Variants in MRPS5 observed in about 807,000 individuals in gnomAD.
MRPS5 encodes the protein small ribosomal subunit protein uS5m.
Under a neutral mutation model 51.9 loss-of-function variants are expected in MRPS5, and 27 were observed. That is an observed-to-expected ratio of 0.52 (90% CI 0.38 to 0.72). The LOEUF (loss-of-function observed/expected upper bound fraction) is 0.72. Ranked by LOEUF, MRPS5 falls within the 30% of genes least tolerant of loss-of-function variation. The pLI is 0.00. For missense variants in MRPS5, 570 were observed against 545.7 expected, an observed-to-expected ratio of 1.04 and a Z score of -0.44; for synonymous variants, 196 against 193.2, an observed-to-expected ratio of 1.01 and a Z score of -0.12.
chr2:95,106,661 C>A (rs1022298048), intron 5 of MRPS5: 2 of 598,820 alleles, frequency 3.3e-6, no homozygotes. Flanking sequence ...AGTCACTGAT[C>A]TCCCCACCTG....
At chr2:95,121,870 G>C, upstream of MRPS5, 1 of 1,434,254 alleles carries the variant, frequency 7.0e-7, no homozygotes, top group Middle Eastern at 1.8e-4. Flanking sequence ...CTCGTCAAAC[G>C]GCAAGCCTTG....
intron 3 of MRPS5, among the ~76,000 whole-genome samples, chr2:95,111,116 G>C (rs1472228863): frequency 1.3e-5 from 2 of 152,102 alleles, no homozygotes; most frequent in East Asian, 3.9e-4. Context: ...ATACACAGCT[G>C]GTCTTCGTAA....
At chr2:95,105,283 C>T (rs1199264835) in intron 6 of MRPS5, among the ~76,000 whole-genome samples, 1 of 152,148 alleles carries the variant, frequency 6.6e-6, no homozygotes, top group Non-Finnish European at 1.5e-5. Flanking sequence ...GGCACAGTGG[C>T]TCATGCCTGT....
At chr2:95,098,607 T>C (rs961173029) in intron 10 of MRPS5, among the ~76,000 whole-genome samples, 1 of 152,114 alleles carries the variant, frequency 6.6e-6, no homozygotes, top group African/African-American at 2.4e-5. Flanking sequence ...AAACACCGCA[T>C]GTTCTCACTC....
intron 5 of MRPS5, among the ~76,000 whole-genome samples, chr2:95,107,904 T>C (rs1219729209): frequency 2.6e-5 from 4 of 152,130 alleles, no homozygotes; most frequent in Non-Finnish European, 4.4e-5. Context: ...AGGCAGCTCC[T>C]GTAGGTCCAC....
chr2:95,090,261 G>T, intron 11 of MRPS5, 125 bp downstream of exon 11: 17 of 698,256 alleles, frequency 2.4e-5, no homozygotes, highest in Middle Eastern at 5.2e-4. Context: ...AGACAACAAA[G>T]AATGCCCAAC....
chr2:95,087,898 A>G (rs201204656), intron 11 of MRPS5, among the ~76,000 whole-genome samples: 1 of 152,064 alleles, frequency 6.6e-6, no homozygotes, highest in Non-Finnish European at 1.5e-5. Flanking sequence ...AACCCCCTAG[A>G]TCTAACTACC....
At chr2:95,111,026 A>C (rs2104421506) in intron 3 of MRPS5, among the ~76,000 whole-genome samples, 1 of 152,306 alleles carries the variant, frequency 6.6e-6, no homozygotes, top group Non-Finnish European at 1.5e-5. Context: ...TAACACGAAA[A>C]GAGAAAAATG....
At chr2:95,118,919 A>C (rs1676364953) in intron 1 of MRPS5, among the ~76,000 whole-genome samples, 1 of 152,236 alleles carries the variant, frequency 6.6e-6, no homozygotes, top group African/African-American at 2.4e-5. Context: ...GGGATAAATC[A>C]TCATGACCTT....
rs368818231 is a variant in MRPS5, at chr2:95,115,136, T to C, written c.207A>G (p.Thr69=). 3.7e-6 allele frequency: 6 copies of C among 1,613,080 alleles called. No individual in the cohort carries two copies. The East Asian group carries it at 6.7e-5, about 18-fold the overall frequency. ...GACTGGGAGAAGAAATACAGCATTG[T>C]GTCTGCAGTGCACGGCTCAAGCTGG... ...PYASLSRALQ[T]QCCISSPSHL... The change falls in exon 3 of 12, where the codon ACA becomes ACG. Residue 69 remains threonine (T), a synonymous_variant. Coordinates refer to ENST00000272418, the MANE Select transcript of MRPS5 (RefSeq NM_031902.5).
Position 95,121,773 on chromosome 2 carries a change from C to A in MRPS5, c.19G>T (p.Ala7Ser), listed in dbSNP as rs960011934. The change falls in exon 1 of 12, where the codon GCT becomes TCT. Residue 7 changes from alanine (A) to serine (S), a missense_variant. By Grantham distance (99) the Ala-to-Ser change is moderately conservative (BLOSUM62 1). Coordinates refer to ENST00000272418, the MANE Select transcript of MRPS5 (RefSeq NM_031902.5). ...CACAGCACGGGGAGGCAGCCCACAGCGCGCACCGCGGTCGCCATGCTGGAG... is the reference window on the plus strand; with the variant it reads ...CACAGCACGGGGAGGCAGCCCACAGAGCGCACCGCGGTCGCCATGCTGGAG... MATAVR[A>S]VGCLPVLCSG... 3.2e-6 allele frequency: 5 copies of A among 1,552,472 alleles called. No individual in the cohort carries two copies. In the South Asian group the frequency reaches 5.9e-5, roughly 18 times the overall value.
At chr2:95,089,404 T>C (rs1235836972) in intron 11 of MRPS5, among the ~76,000 whole-genome samples, 1 of 152,186 alleles carries the variant, frequency 6.6e-6, no homozygotes, top group Non-Finnish European at 1.5e-5. Flanking sequence ...TGGAGCCTAT[T>C]GAACCTGGTT....
chr2:95,104,456 C>G, intron 7 of MRPS5, 184 bp downstream of exon 7: 1 of 654,554 alleles, frequency 1.5e-6, no homozygotes. Flanking sequence ...AGAATCTATT[C>G]TCTCTTTTCT....
At chr2:95,109,892 A>C in intron 4 of MRPS5, 24 bp downstream of exon 4, 1 of 1,599,970 alleles carries the variant, frequency 6.3e-7, no homozygotes, top group Non-Finnish European at 8.5e-7. Context: ...AAAGCACTTT[A>C]GCTATTTTTA....
At chr2:95,106,276 G>T in intron 6 of MRPS5, 147 bp downstream of exon 6, 1 of 704,422 alleles carries the variant, frequency 1.4e-6, no homozygotes. Context: ...AATTAAAGTT[G>T]CACAATTTTC....
intron 3 of MRPS5, among the ~76,000 whole-genome samples, chr2:95,113,348 C>T (rs556997061): frequency 1.2e-3 from 177 of 151,492 alleles, no homozygotes; most frequent in Admixed American, 2.7e-3. Flanking sequence ...TGGTGGCACG[C>T]GCCTATAGTC....
intron 3 of MRPS5, among the ~76,000 whole-genome samples, chr2:95,110,494 C>A (rs1196528691): frequency 6.6e-6 from 1 of 152,192 alleles, no homozygotes; most frequent in African/African-American, 2.4e-5. Context: ...ATCTGGAACA[C>A]AATCTATGGT....
intron 8 of MRPS5, 75 bp from the exon 9 acceptor site, chr2:95,100,969 T>A: frequency 7.8e-7 from 1 of 1,290,118 alleles, no homozygotes; most frequent in Non-Finnish European, 1.1e-6. Context: ...ACACTTTTAA[T>A]AAAAATGTTT....
At chr2:95,118,083 T>C (rs1558688490) in intron 1 of MRPS5, 138 bp from the exon 2 acceptor site, 25 of 604,244 alleles carry the variant, frequency 4.1e-5, no homozygotes, top group Non-Finnish European at 7.1e-5. Flanking sequence ...CCAGGACAAC[T>C]TGTCAAGTAG....
Sources: gnomAD v4.1 joint callset for allele counts (sites outside exome capture counted in the v4.1 genomes callset) on GRCh38, gnomAD v4.1.1 for gene constraint, MANE v1.5 for transcripts, NCBI Gene and HGNC (gene_info 2026-07-23, HGNC 2026-07-21) for gene names.